DDHD2: variants seen among roughly 807,000 people sequenced by gnomAD.
DDHD2 encodes triacylglycerol hydrolase DDHD2.
DDHD2 carries 62 observed loss-of-function variants against 91.2 expected under a neutral mutation model. The ratio of observed to expected loss-of-function variants is 0.68; its 90% CI spans 0.55 to 0.84. The LOEUF (loss-of-function observed/expected upper bound fraction) is 0.84, where lower values mean the gene tolerates loss of function less well. Among genes scored for constraint, DDHD2 ranks in the 40% least tolerant of loss-of-function variants. DDHD2 has a pLI of 0.00. For synonymous variants in DDHD2, 271 were observed against 293.9 expected (o/e 0.92, Z 0.80); for missense variants, 740 against 846.9 (o/e 0.87, Z 1.57).
At chr8:38,268,509 C>CA in intron 1 of DDHD2, 5 of 1,545,194 alleles carry the variant, frequency 3.2e-6, no homozygotes, top group Non-Finnish European at 4.4e-6. Context: ...AAAAGCCACA[C>CA]TCGTGCTCCT....
intron 16 of DDHD2, among the ~76,000 whole-genome samples, chr8:38,256,972 G>A (rs1422931056): frequency 6.6e-6 from 1 of 151,566 alleles, no homozygotes; most frequent in African/African-American, 2.4e-5. Flanking sequence ...CACCCAGGCT[G>A]GAGTGCAGTG....
At chr8:38,267,890 CACTT>C (rs1429213582) in intron 1 of DDHD2, 20 of 1,613,762 alleles carry the variant, frequency 1.2e-5, no homozygotes, top group Non-Finnish European at 1.4e-5. Flanking sequence ...TAGCTGTTGT[CACTT>C]ACCTCCCTAC....
At chr8:38,267,410 G>T (rs746086774), downstream of DDHD2, 43 of 1,609,270 alleles carry the variant, frequency 2.7e-5, no homozygotes, top group Non-Finnish European at 3.6e-5. Flanking sequence ...AAGCAGCATG[G>T]TTGGAACGTA....
chr8:38,236,442 C>A (rs1183318312), intron 3 of DDHD2, among the ~76,000 whole-genome samples: 3 of 151,860 alleles, frequency 2.0e-5, no homozygotes, highest in Non-Finnish European at 4.4e-5. Flanking sequence ...GCAACCTCTG[C>A]ATCCTGGGTT....
At chr8:38,267,352 C>T (rs771355110), downstream of DDHD2, 5 of 1,613,988 alleles carry the variant, frequency 3.1e-6, no homozygotes, top group African/African-American at 1.3e-5. Flanking sequence ...AATGGGCTAG[C>T]CCATCAGGGA....
At chr8:38,233,273 TA>T in intron 2 of DDHD2, 59 bp downstream of exon 2, 1 of 1,376,090 alleles carries the variant, frequency 7.3e-7, no homozygotes, top group Non-Finnish European at 1.0e-6. Flanking sequence ...AACTATAATA[TA>T]ATGGTCCTTA....
At chr8:38,242,602 A>G (rs1197845240) in intron 7 of DDHD2, among the ~76,000 whole-genome samples, 1 of 152,180 alleles carries the variant, frequency 6.6e-6, no homozygotes, top group Non-Finnish European at 1.5e-5. Context: ...ACTAGTATTT[A>G]CTGTTACAGC....
At chr8:38,244,435 G>A (rs1053915238) in intron 7 of DDHD2, among the ~76,000 whole-genome samples, 1 of 150,086 alleles carries the variant, frequency 6.7e-6, no homozygotes, top group Admixed American at 6.7e-5. Context: ...GCTAATTTTC[G>A]TATTTCTTAG....
downstream of DDHD2, chr8:38,267,361 G>C: frequency 6.2e-7 from 1 of 1,613,860 alleles, no homozygotes; most frequent in Non-Finnish European, 8.5e-7. Flanking sequence ...GCCCATCAGG[G>C]AAGCAGCGGT....
At chr8:38,252,334 A>G (rs1585751036) in intron 13 of DDHD2, 47 bp downstream of exon 13, 3 of 1,549,870 alleles carry the variant, frequency 1.9e-6, no homozygotes, top group East Asian at 2.3e-5. Flanking sequence ...ATCAGGGCTT[A>G]TTGTTAAAGA....
At chr8:38,242,067 T>A (rs1039718295) in intron 6 of DDHD2, 183 bp from the exon 7 acceptor site, 4 of 547,366 alleles carry the variant, frequency 7.3e-6, no homozygotes, top group Non-Finnish European at 9.3e-6. Flanking sequence ...AAAAAAAAGT[T>A]ATTAAAGAAA....
downstream of DDHD2, chr8:38,264,790 CATT>C: frequency 6.6e-7 from 1 of 1,507,674 alleles, no homozygotes; most frequent in Non-Finnish European, 8.8e-7. Context: ...ACAGTATTAT[CATT>C]GTCAGGTTGC....
In DDHD2 at chr8:38,234,502, T is replaced by C. The variant is rs755352037; in HGVS notation, c.329T>C (p.Val110Ala). ...AVYWDELASEVRRCTWFYKGD... is the reference protein window; with the variant it reads ...AVYWDELASEARRCTWFYKGD... ...TACTGGGATGAACTGGCATCGGAAG[T>C]GAGACGATGTACGTGGTTTTACAAG... Residue 110 changes from valine (V) to alanine (A), a missense_variant, in exon 3 of 18, where the codon GTG (valine) becomes GCG (alanine). Val to Ala is a moderately conservative substitution (Grantham distance 64, BLOSUM62 0). This residue lies in a region of DDHD2 where 693 missense variants were observed against 764.2 expected (regional missense o/e 0.91). Transcript: ENST00000397166. 3.9e-5 allele frequency: 63 copies of C among 1,613,426 alleles called. No homozygotes were observed. Among genetic ancestry groups the C allele is most frequent in the Non-Finnish European group, 5.3e-5 (62 of 1,179,892 alleles).
chr8:38,270,782 A>G (rs1000058844), intron 1 of DDHD2: 3 of 152,160 alleles, frequency 2.0e-5, no homozygotes, highest in Admixed American at 2.0e-4. Flanking sequence ...CATCTATTCT[A>G]TTTTCCCTTT....
chr8:38,269,023 G>A (rs376411311), intron 1 of DDHD2: 3 of 1,542,796 alleles, frequency 1.9e-6, no homozygotes, highest in African/African-American at 1.4e-5. Context: ...AGAGCAGGTC[G>A]CCTGGCTTCC....
chr8:38,252,057 G>C, intron 12 of DDHD2, 29 bp downstream of exon 12: 1 of 1,612,142 alleles, frequency 6.2e-7, no homozygotes, highest in South Asian at 1.1e-5. Flanking sequence ...TCATTTTACA[G>C]CCTGCTATTT....
chr8:38,232,408 T>A (rs1804347395), intron 1 of DDHD2, among the ~76,000 whole-genome samples: 3 of 152,396 alleles, frequency 2.0e-5, no homozygotes, highest in Admixed American at 2.0e-4. Context: ...TGGGCGTGCG[T>A]GTGCGCACCG....
chr8:38,263,609 G>A (rs1807206781), downstream of DDHD2: 4 of 985,268 alleles, frequency 4.1e-6, no homozygotes, highest in Non-Finnish European at 3.6e-6. Context: ...ACTCAGATAA[G>A]ATGCACACAA....
intron 5 of DDHD2, 138 bp downstream of exon 5, chr8:38,238,347 T>G: frequency 1.4e-6 from 2 of 1,450,470 alleles, no homozygotes; most frequent in South Asian, 1.5e-5. Flanking sequence ...CAAGTTGAGA[T>G]TAGCATCACT....
Sources: allele counts gnomAD v4.1 joint callset (sites outside exome capture counted in the v4.1 genomes callset), GRCh38; gene constraint gnomAD v4.1.1; regional missense constraint gnomAD v4.1.1; transcripts MANE v1.5; gene names NCBI Gene and HGNC (gene_info 2026-07-23, HGNC 2026-07-21).